Variants in PHF3 observed in about 807,000 individuals in gnomAD.
PHF3 encodes PHD finger protein 3.
A neutral mutation model predicts 178.4 loss-of-function variants in PHF3; 41 were observed. The ratio of observed to expected loss-of-function variants is 0.23; its 90% confidence interval spans 0.18 to 0.30. The LOEUF is 0.30. PHF3 is among the 10% of genes least tolerant of loss of function. PHF3 has a pLI of 1.00. For synonymous variants in PHF3, 842 were observed against 800.5 expected (o/e 1.05, Z -0.88); for missense variants, 2,346 against 2,398.1 (o/e 0.98, Z 0.45).
chr6:63,713,601 G>C lies in PHF3; in HGVS notation c.6013G>C (p.Glu2005Gln), dbSNP rs1561988428. The C allele has an allele frequency of 6.2e-7, 1 of 1,613,532 alleles. No homozygotes were observed. Among genetic ancestry groups the C allele is most frequent in the Admixed American group, 1.7e-5 (1 of 59,934 alleles). ...AGATAAACCTAAAAGTGAAGACTAT[G>C]AGAAGGACAAAGAACGAGAGAAAAG... ...KPDKPKSEDY[E>Q]KDKEREKSKH... is the part of the protein sequence containing the mutation. The change falls in exon 16 of 16, where the codon GAG becomes CAG. Residue 2005 changes from glutamate to glutamine, a missense_variant. By Grantham distance (29) the Glu-to-Gln change is conservative (BLOSUM62 2). Coordinates refer to ENST00000262043, the MANE Select transcript of PHF3 (RefSeq NM_001370348.2).
At chr6:63,675,367 T>A (rs1582053417) in intron 2 of PHF3, among the ~76,000 whole-genome samples, 1 of 152,316 alleles carries the variant, frequency 6.6e-6, no homozygotes, top group African/African-American at 2.4e-5. Context: ...CTTAACTACT[T>A]CTAGATCAGT....
chr6:63,707,973 C>A (rs1193739931), intron 13 of PHF3, among the ~76,000 whole-genome samples: 1 of 151,944 alleles, frequency 6.6e-6, no homozygotes, highest in East Asian at 1.9e-4. Flanking sequence ...TTCAACCATT[C>A]TCCTGTCTCA....
intron 2 of PHF3, among the ~76,000 whole-genome samples, chr6:63,647,425 C>T (rs1764837770): frequency 6.6e-6 from 1 of 152,034 alleles, no homozygotes; most frequent in East Asian, 1.9e-4. Flanking sequence ...ATAAAATGCA[C>T]ATTAGATTTT....
Position 63,685,671 on chromosome 6 carries a change from C to T in PHF3, c.1949C>T (p.Pro650Leu), listed in dbSNP as rs1230922476. ...CACGTGAAGGAAGAGCTTGAACACC[C>T]AGGCGTTGAGCATTTTAAGGAAGAG... The part of the protein sequence containing the change: ...NSHVKEELEH[P>L]GVEHFKEEDK... Residue 650 changes from proline to leucine, a missense_variant, in exon 4 of 16, where the codon CCA becomes CTA. Around this residue, in one of 8 missense-constraint regions of PHF3, gnomAD observed 843 missense variants for 795.2 expected, o/e 1.06. Coordinates refer to ENST00000262043, the MANE Select transcript of PHF3 (RefSeq NM_001370348.2). 6.2e-7 allele frequency: 1 copy of T among 1,613,946 alleles called. No individual in the cohort carries two copies. The highest frequency in any genetic ancestry group is 1.3e-5 in the African/African-American group (1 of 74,908).
At chr6:63,672,615 C>T (rs1316604223) in intron 2 of PHF3, among the ~76,000 whole-genome samples, 2 of 152,102 alleles carry the variant, frequency 1.3e-5, no homozygotes, top group Non-Finnish European at 1.5e-5. Context: ...GCTCTGTTTT[C>T]CACAGGTATG....
At chr6:63,690,026 C>T (rs1766927102) in intron 4 of PHF3, among the ~76,000 whole-genome samples, 2 of 152,088 alleles carry the variant, frequency 1.3e-5, no homozygotes, top group African/African-American at 4.8e-5. Flanking sequence ...ATGCTCATTA[C>T]AAATAATCAT....
intron 2 of PHF3, among the ~76,000 whole-genome samples, chr6:63,650,574 A>G (rs1764980667): frequency 6.6e-6 from 1 of 152,204 alleles, no homozygotes; most frequent in Admixed American, 6.5e-5. Flanking sequence ...CTTGTAATAT[A>G]TGTTAAGACT....
Position 63,721,934 on chromosome 6 carries a change from T to A in PHF3, c.*8226T>A. On this transcript the variant is annotated 3_prime_UTR_variant, in exon 16 of 16. Transcript: ENST00000262043. ...AGATCTTGAGCACAATTGTGTTAGTTTTGTTTCCACTCACAGAGCAAAATG... is the reference window on the plus strand; with the variant it reads ...AGATCTTGAGCACAATTGTGTTAGTATTGTTTCCACTCACAGAGCAAAATG... 1 of 787,088 alleles carries A rather than the reference T, an allele frequency of 1.3e-6. No individual in the cohort carries two copies. Among genetic ancestry groups the A allele is most frequent in the Non-Finnish European group, 2.0e-6 (1 of 505,428 alleles). 48.8% of individuals were successfully genotyped at this position (787,088 alleles called of 1,614,324 possible). A position where few individuals can be genotyped will look rare whatever the true frequency, so the allele number is the denominator to read the frequency against.
rs1382734992 is a variant in PHF3, at chr6:63,720,852, A to T, written c.*7144A>T. On this transcript the variant is annotated 3_prime_UTR_variant, in exon 16 of 16. Coordinates refer to ENST00000262043, the MANE Select transcript of PHF3 (RefSeq NM_001370348.2). ...CTCGGAAAGAATTAGACTGTTATTTATGTAGGCCTTGATAAGAGTCTGATT... is the reference window on the plus strand; with the variant it reads ...CTCGGAAAGAATTAGACTGTTATTTTTGTAGGCCTTGATAAGAGTCTGATT... 2 of 1,551,144 alleles carry T rather than the reference A, an allele frequency of 1.3e-6. No individual in the cohort carries two copies. The highest frequency in any genetic ancestry group is 8.7e-7 in the Non-Finnish European group (1 of 1,146,686).
chr6:63,681,877 G>A (rs1766453933), intron 3 of PHF3, among the ~76,000 whole-genome samples: 1 of 152,040 alleles, frequency 6.6e-6, no homozygotes, highest in South Asian at 2.1e-4. Flanking sequence ...TGGGGATTGG[G>A]TTTTACCAGC....
intron 2 of PHF3, among the ~76,000 whole-genome samples, chr6:63,651,485 C>T (rs1439638496): frequency 2.6e-5 from 4 of 152,130 alleles, no homozygotes; most frequent in African/African-American, 7.2e-5. Flanking sequence ...CCTCAGCCTC[C>T]TGAGTAGCCG....
Position 63,685,813 on chromosome 6 carries a change from A to G in PHF3, c.2091A>G (p.Ile697Met). The G allele has an allele frequency of 1.9e-6, 3 of 1,613,818 alleles. No individual in the cohort carries two copies. The highest frequency in any genetic ancestry group is 2.5e-6 in the Non-Finnish European group (3 of 1,179,980). The change falls in exon 4 of 16, where the codon ATA becomes ATG. Residue 697 changes from isoleucine to methionine, a missense_variant. Transcript: ENST00000262043. ...PLFIPDNIAT[I>M]RREGSDHSSS... ...TCATTCCAGATAACATAGCTACCAT[A>G]AGAAGAGAAGGCTCTGATCATAGCT... is the stretch of plus-strand genomic sequence containing the variant.
At chr6:63,665,793 A>C (rs1765658946) in intron 2 of PHF3, among the ~76,000 whole-genome samples, 1 of 152,056 alleles carries the variant, frequency 6.6e-6, no homozygotes, top group African/African-American at 2.4e-5. Context: ...CTGGCCTAAA[A>C]TTACTGTAAA....
rs189813685 is a variant in PHF3, at chr6:63,724,697, T to G, written c.*10989T>G. ...GAGATCATCTAGTATAATTTTCAAG[T>G]TATCATTTTGTTTTAAATTTTACAC... On this transcript the variant is annotated 3_prime_UTR_variant, in exon 16 of 16. Transcript: ENST00000262043. Among the ~76,000 whole-genome samples, 66 of 152,266 alleles carry G rather than the reference T, an allele frequency of 4.3e-4. No homozygotes were observed. Among genetic ancestry groups the G allele is most frequent in the Non-Finnish European group, 7.6e-4 (52 of 67,988 alleles).
Position 63,702,529 on chromosome 6 carries a change from G to C in PHF3, c.3121G>C (p.Glu1041Gln). The change falls in exon 10 of 16, where the codon GAG becomes CAG. Residue 1041 changes from glutamate to glutamine, a missense_variant. Around this residue, in one of 8 missense-constraint regions of PHF3, gnomAD observed 45 missense variants for 87.9 expected, o/e 0.51. Coordinates refer to ENST00000262043, the MANE Select transcript of PHF3 (RefSeq NM_001370348.2). ...NRHTIEMIEKEQREVERRPIT... is the reference protein window; with the variant it reads ...NRHTIEMIEKQQREVERRPIT... ...TTAGACCATAGAAATGATTGAGAAA[G>C]AGCAGAGAGAAGTGGAACGACGGCC... 6.2e-7 allele frequency: 1 copy of C among 1,610,224 alleles called. No homozygotes were observed. The highest frequency in any genetic ancestry group is 1.3e-5 in the African/African-American group (1 of 74,968).
At position 63,720,905 on chromosome 6, in the gene PHF3, A is replaced by G. The variant is rs1335503288; in HGVS notation, c.*7197A>G. The G allele has an allele frequency of 1.3e-6, 2 of 1,551,156 alleles. No individual in the cohort carries two copies. Among genetic ancestry groups the G allele is most frequent in the Admixed American group, 2.0e-5 (1 of 50,968 alleles). ...GAATTACAACTACATGGTGCCATTT[A>G]TTACAACAGAATGTGCCATTGTTAT... On this transcript the variant is annotated 3_prime_UTR_variant, in exon 16 of 16. Transcript: ENST00000262043.
chr6:63,693,580 C>G (rs1174486514), intron 5 of PHF3, among the ~76,000 whole-genome samples: 1 of 152,156 alleles, frequency 6.6e-6, no homozygotes, highest in Non-Finnish European at 1.5e-5. Context: ...CACTTTATTC[C>G]AGCTTGGGCA....
chr6:63,682,387 T>A (rs1449726883), intron 3 of PHF3, among the ~76,000 whole-genome samples: 1 of 152,128 alleles, frequency 6.6e-6, no homozygotes, highest in Non-Finnish European at 1.5e-5. Context: ...TAATTACTTT[T>A]GGGTCTCTTA....
intron 2 of PHF3, among the ~76,000 whole-genome samples, chr6:63,655,229 C>T (rs576611392): frequency 1.3e-5 from 2 of 152,104 alleles, no homozygotes; most frequent in African/African-American, 4.8e-5. Flanking sequence ...ATGCCCGCCA[C>T]CATGCCTGGC....
Sources: allele counts gnomAD v4.1 joint callset (sites outside exome capture counted in the v4.1 genomes callset), GRCh38; gene constraint gnomAD v4.1.1; regional missense constraint gnomAD v4.1.1; transcripts MANE v1.5; gene names NCBI Gene and HGNC (gene_info 2026-07-23, HGNC 2026-07-21).